Variants in DHX33 observed in about 807,000 individuals in gnomAD.
DHX33 encodes the protein DEAH-box helicase 33, also known as ATP-dependent RNA helicase DHX33.
A neutral mutation model predicts 72.5 loss-of-function variants in DHX33; 42 were observed. The observed-to-expected ratio is 0.58, with a 90% CI of 0.45 to 0.75. The LOEUF (loss-of-function observed/expected upper bound fraction) is 0.75. Among genes scored for constraint, DHX33 ranks in the 30% least tolerant of loss-of-function variants. The pLI, the probability that DHX33 is intolerant of heterozygous loss-of-function variation, is 0.00. For missense variants in DHX33, 842 were observed against 917.5 expected (o/e 0.92, Z 1.06); for synonymous variants, 358 against 366.1 (o/e 0.98, Z 0.25).
At chr17:5,451,035 A>G (rs1916883435) in intron 8 of DHX33, 101 bp from the exon 9 acceptor site, 2 of 1,409,820 alleles carry the variant, frequency 1.4e-6, no homozygotes, top group Non-Finnish European at 1.9e-6. Context: ...ACATCAAACA[A>G]CAGCAAAAAT....
intron 11 of DHX33, among the ~76,000 whole-genome samples, chr17:5,447,451 C>T (rs75457395): frequency 0.14 from 21,881 of 152,092 alleles, 2,818 homozygotes; most frequent in East Asian, 0.64. Flanking sequence ...GGTGAAACCT[C>T]GTCTCTACTA....
At chr17:5,457,297 G>C (rs1904365718) in intron 4 of DHX33, among the ~76,000 whole-genome samples, 1 of 151,928 alleles carries the variant, frequency 6.6e-6, no homozygotes, top group Non-Finnish European at 1.5e-5. Flanking sequence ...GACAGAGCAA[G>C]ACTCCATCTC....
At chr17:5,460,159 C>T (rs145812547) in intron 4 of DHX33, among the ~76,000 whole-genome samples, 13 of 151,932 alleles carry the variant, frequency 8.6e-5, no homozygotes, top group East Asian at 2.0e-4. Flanking sequence ...GGACTACAGG[C>T]GCCCGCTACC....
At position 5,441,575 on chromosome 17, in the gene DHX33, C is replaced by G. The variant is rs1308962153; in HGVS notation, c.*2630G>C. On this transcript the variant is annotated 3_prime_UTR_variant, in exon 12 of 12. Transcript: ENST00000225296. ...TTAACTTTCTTAAGTTTAAAGTGTA[C>G]TATCTCCTGCAGCTCAATATAAACA... 6.6e-6 allele frequency: 1 copy of G among 152,202 alleles called. No homozygotes were observed. Among genetic ancestry groups the G allele is most frequent in the African/African-American group, 2.4e-5 (1 of 41,436 alleles). The allele number at this position is 152,202 out of a possible 1,614,324, so 9.4% of individuals were successfully genotyped here. A position where few individuals can be genotyped will look rare whatever the true frequency, so the allele number is the denominator to read the frequency against.
Position 5,448,791 on chromosome 17 carries a change from A to G in DHX33, c.1815+18T>C, listed in dbSNP as rs1246050325. ...GTGACAGCTTTGTCACCCACAGAAC[A>G]CTAGGACCAGACGATACCTTTAAGC... On this transcript the variant is annotated intron_variant, in intron 11 of 11. Coordinates refer to ENST00000225296, the MANE Select transcript of DHX33 (RefSeq NM_020162.4). 16 of 1,580,478 alleles carry G rather than the reference A, an allele frequency of 1.0e-5. No homozygotes were observed. The highest frequency in any genetic ancestry group is 1.3e-5 in the Non-Finnish European group (15 of 1,162,042).
chr17:5,461,606 C>CAAAA (rs564057463), intron 3 of DHX33, among the ~76,000 whole-genome samples: 1 of 137,408 alleles, frequency 7.3e-6, no homozygotes, highest in Non-Finnish European at 1.6e-5. Context: ...TAACAGAGTG[C>CAAAA]AAAAAAAAAA....
rs1916417590 is a variant in DHX33, at chr17:5,441,015, ACT to A, written c.*3188_*3189del. On this transcript the variant is annotated 3_prime_UTR_variant, in exon 12 of 12. Coordinates refer to ENST00000225296, the MANE Select transcript of DHX33 (RefSeq NM_020162.4). Reference sequence around the variant, plus strand: ...GTTATTTCTGTTCAAATAAAACCAGACTCTCAAAATACAACATAAGCCTGAAC... The same window carrying A: ...GTTATTTCTGTTCAAATAAAACCAGACTCAAAATACAACATAAGCCTGAAC... The A allele has an allele frequency of 6.6e-6, 1 of 151,788 alleles. No individual in the cohort carries two copies. Among genetic ancestry groups the A allele is most frequent in the East Asian group, 1.9e-4 (1 of 5,178 alleles). The allele number at this position is 151,788 out of a possible 1,614,324, so 9.4% of individuals were successfully genotyped here.
Position 5,455,242 on chromosome 17 carries a change from G to A in DHX33, c.1065C>T (p.Asn355=). The change falls in exon 6 of 12, where the codon AAC becomes AAT. Residue 355 remains asparagine (N), a synonymous_variant. Transcript: ENST00000225296. ...KGYRKVIIST[N]IAETSITITG... ...TAATGGTTATGGAGGTTTCAGCGAT[G>A]TTGGTTGAAATGATCACTTTGCGAT... 6.2e-7 allele frequency: 1 copy of A among 1,614,178 alleles called. No homozygotes were observed. The highest frequency in any genetic ancestry group is 8.5e-7 in the Non-Finnish European group (1 of 1,180,028).
Position 5,444,103 on chromosome 17 carries a change from G to T in DHX33, c.*102C>A. On this transcript the variant is annotated 3_prime_UTR_variant, in exon 12 of 12. Coordinates refer to ENST00000225296, the MANE Select transcript of DHX33 (RefSeq NM_020162.4). This position sits in a 1 kb window ranked among gnomAD's most constrained non-coding sequence, Gnocchi z 4.9. Reference sequence around the variant, plus strand: ...TCCTGGAAGTCAGGCACCTTCAGCTGATTCCAAGGCTTCTCTAAGCGCCAA... The same window carrying T: ...TCCTGGAAGTCAGGCACCTTCAGCTTATTCCAAGGCTTCTCTAAGCGCCAA... The T allele has an allele frequency of 7.2e-7, 1 of 1,387,024 alleles. No homozygotes were observed. Among genetic ancestry groups the T allele is most frequent in the Non-Finnish European group, 9.7e-7 (1 of 1,031,244 alleles). 85.9% of individuals were successfully genotyped at this position (1,387,024 alleles called of 1,614,324 possible).
At chr17:5,449,025 C>T (rs564170198) in intron 10 of DHX33, 130 bp from the exon 11 acceptor site, 2 of 539,688 alleles carry the variant, frequency 3.7e-6, no homozygotes, top group East Asian at 6.8e-5. Context: ...AACCAATCCT[C>T]CCACCTCAGC....
At position 5,460,992 on chromosome 17, in the gene DHX33, G is replaced by A; in HGVS notation, c.796C>T (p.Pro266Ser). The change falls in exon 4 of 12, where the codon CCT (proline) becomes TCT (serine). Residue 266 changes from proline (P) to serine (S), a missense_variant. Pro to Ser is a moderately conservative substitution (Grantham distance 74, BLOSUM62 -1). Coordinates refer to ENST00000225296, the MANE Select transcript of DHX33 (RefSeq NM_020162.4). ...GCGGCGTGCAGGTAATCATTCTGAG[G>A]CTGTTTGGTGTAAAACACCTGGATC... is the stretch of plus-strand genomic sequence containing the variant. ...HPIQVFYTKQ[P>S]QNDYLHAALV... 1 of 1,614,098 alleles carries A rather than the reference G, an allele frequency of 6.2e-7. No individual in the cohort carries two copies. The highest frequency in any genetic ancestry group is 8.5e-7 in the Non-Finnish European group (1 of 1,179,968).
intron 9 of DHX33, 139 bp downstream of exon 9, chr17:5,450,668 G>C: frequency 7.6e-7 from 1 of 1,317,640 alleles, no homozygotes; most frequent in Non-Finnish European, 1.1e-6. Flanking sequence ...ACATGAATCA[G>C]GGCTATTTGC....
At chr17:5,467,660 C>A (rs1362064815) in intron 1 of DHX33, among the ~76,000 whole-genome samples, 1 of 152,058 alleles carries the variant, frequency 6.6e-6, no homozygotes, top group Non-Finnish European at 1.5e-5. Flanking sequence ...GGAGATAAAC[C>A]CCCTCGGGCC....
chr17:5,463,766 A>C, intron 1 of DHX33, 77 bp from the exon 2 acceptor site: 1 of 1,408,304 alleles, frequency 7.1e-7, no homozygotes, highest in Non-Finnish European at 9.4e-7. Flanking sequence ...GGCACCTATA[A>C]TCTCAGCACT....
chr17:5,444,652 T>A lies in DHX33; in HGVS notation c.1816-139A>T, dbSNP rs574124578. 44 of 904,368 alleles carry A rather than the reference T, an allele frequency of 4.9e-5. No homozygotes were observed. In the African/African-American group the frequency reaches 5.5e-4, roughly 11 times the overall value. 56.0% of individuals were successfully genotyped at this position (904,368 alleles called of 1,614,324 possible). A position where few individuals can be genotyped will look rare whatever the true frequency, so the allele number is the denominator to read the frequency against. On this transcript the variant is annotated intron_variant, in intron 11 of 11. Coordinates refer to ENST00000225296, the MANE Select transcript of DHX33 (RefSeq NM_020162.4). The surrounding 1 kb of genome is among the most constrained non-coding windows in gnomAD (Gnocchi z 4.9). ...AGCCTAACGATGTGGATTCTGACATTCGGAGGTGGTCACCAAGGATCAGCA... is the reference window on the plus strand; with the variant it reads ...AGCCTAACGATGTGGATTCTGACATACGGAGGTGGTCACCAAGGATCAGCA...
Position 5,456,002 on chromosome 17 carries a change from G to C in DHX33, c.1030C>G (p.Pro344Ala). Reference protein sequence around the residue: ...AQQLRVFQGAPKGYRKVIIST... With the variant: ...AQQLRVFQGAAKGYRKVIIST... ...AGAAGAGGTGGTGCACTCACCTTTG[G>C]GGCCCCTTGGAAGACTCGGAGCTGC... Residue 344 changes from proline (P) to alanine (A), a missense_variant, in exon 5 of 12, where the codon CCA becomes GCA. Transcript: ENST00000225296. 6.2e-7 allele frequency: 1 copy of C among 1,611,770 alleles called. No homozygotes were observed.
At position 5,444,442 on chromosome 17, in the gene DHX33, G is replaced by A. The variant is rs141401019; in HGVS notation, c.1887C>T (p.Phe629=). 1 of 1,614,110 alleles carries A rather than the reference G, an allele frequency of 6.2e-7. No homozygotes were observed. Among genetic ancestry groups the A allele is most frequent in the East Asian group, 2.2e-5 (1 of 44,892 alleles). Residue 629 remains phenylalanine, a synonymous_variant, in exon 12 of 12, where the codon TTC becomes TTT. Transcript: ENST00000225296. This position sits in a 1 kb window ranked among gnomAD's most constrained non-coding sequence, Gnocchi z 4.9. ...CTGGCTGAAGCTCGGCGGTGCTCAT[G>A]AAGAGGCTGTGAGCCAGGCAGCGGC... The part of the protein sequence containing the change: ...SVRRCLAHSL[F]MSTAELQPDG...
chr17:5,457,606 C>G (rs962344549), intron 4 of DHX33, among the ~76,000 whole-genome samples: 2 of 95,866 alleles, frequency 2.1e-5, no homozygotes, highest in Non-Finnish European at 4.6e-5. Flanking sequence ...GACTCCATCT[C>G]AAAAAAAAAA....
intron 1 of DHX33, among the ~76,000 whole-genome samples, chr17:5,468,034 G>A (rs912704850): frequency 6.6e-6 from 1 of 152,062 alleles, no homozygotes; most frequent in Admixed American, 6.6e-5. Flanking sequence ...AGCACTCATG[G>A]GTCTCCTTCC....
Sources: gnomAD v4.1 joint callset for allele counts (sites outside exome capture counted in the v4.1 genomes callset) on GRCh38, gnomAD v4.1.1 for gene constraint, Gnocchi (gnomAD v3.1) non-coding constraint, MANE v1.5 for transcripts, NCBI Gene and HGNC (gene_info 2026-07-23, HGNC 2026-07-21) for gene names.